Variants in CACNA1C observed in about 807,000 individuals in gnomAD.
CACNA1C encodes voltage-dependent L-type calcium channel subunit alpha-1C.
CACNA1C carries 30 observed loss-of-function variants against 229.0 expected under a neutral mutation model. The ratio of observed to expected loss-of-function variants is 0.13; its 90% CI spans 0.10 to 0.18. CACNA1C has a LOEUF of 0.18. Ranked by LOEUF, CACNA1C falls within the 10% of genes least tolerant of loss-of-function variation. The probability of loss-of-function intolerance (pLI) is 1.00; values close to 1 mark genes in which losing one functional copy is unlikely to be tolerated. For missense variants in CACNA1C, 1,658 were observed against 2,845.0 expected (o/e 0.58, Z 9.49); for synonymous variants, 1,114 against 1,132.5 (o/e 0.98, Z 0.33).
At chr12:2,293,165 T>C (rs1030121337) in intron 3 of CACNA1C, among the ~76,000 whole-genome samples, 3 of 152,136 alleles carry the variant, frequency 2.0e-5, no homozygotes, top group Admixed American at 1.3e-4. Flanking sequence ...GAAGGTAACC[T>C]CTGGCAAGGA....
intron 7 of CACNA1C, among the ~76,000 whole-genome samples, chr12:2,494,895 T>G (rs1004316032): frequency 6.6e-6 from 1 of 152,198 alleles, no homozygotes; most frequent in Admixed American, 6.5e-5. Flanking sequence ...ATTTCCTGAG[T>G]GTCCTTGCCT....
chr12:2,442,122 G>T (rs1555582888), intron 3 of CACNA1C, among the ~76,000 whole-genome samples: 1 of 152,198 alleles, frequency 6.6e-6, no homozygotes, highest in Non-Finnish European at 1.5e-5. Flanking sequence ...CATCAGTAAA[G>T]ACTCATCATT....
chr12:2,590,347 G>A (rs1437880223), intron 18 of CACNA1C, among the ~76,000 whole-genome samples: 9 of 152,130 alleles, frequency 5.9e-5, no homozygotes, highest in African/African-American at 9.7e-5. Context: ...CCTCACTTCC[G>A]ATGCTTTTTT....
At chr12:2,620,978 C>T (rs1473234352) in intron 29 of CACNA1C, among the ~76,000 whole-genome samples, 1 of 152,140 alleles carries the variant, frequency 6.6e-6, no homozygotes, top group East Asian at 1.9e-4. Context: ...GTGCAGAAAT[C>T]TCTACACAGT....
At chr12:2,277,830 T>C (rs1464223795) in intron 3 of CACNA1C, among the ~76,000 whole-genome samples, 5 of 152,268 alleles carry the variant, frequency 3.3e-5, no homozygotes, top group Non-Finnish European at 7.3e-5. Flanking sequence ...TTATTGCATG[T>C]TAATACTTCA....
intron 3 of CACNA1C, among the ~76,000 whole-genome samples, chr12:2,277,539 C>G (rs1443800087): frequency 6.6e-6 from 1 of 152,138 alleles, no homozygotes; most frequent in African/African-American, 2.4e-5. Flanking sequence ...GCTCAGAAAT[C>G]TAAGGAGGCT....
chr12:2,210,075 C>G (rs927218341), intron 3 of CACNA1C, among the ~76,000 whole-genome samples: 3 of 152,178 alleles, frequency 2.0e-5, no homozygotes, highest in African/African-American at 7.2e-5. Context: ...TTACTTTCAA[C>G]TTGTTTCTAA....
intron 3 of CACNA1C, among the ~76,000 whole-genome samples, chr12:2,307,152 A>G (rs1003529738): frequency 1.2e-4 from 19 of 152,110 alleles, no homozygotes; most frequent in African/African-American, 4.6e-4. Flanking sequence ...GGGATGTGCA[A>G]AGCTGCAAAT....
At chr12:2,135,695 C>T (rs1410052809) in intron 3 of CACNA1C, among the ~76,000 whole-genome samples, 1 of 145,210 alleles carries the variant, frequency 6.9e-6, no homozygotes, top group East Asian at 2.0e-4. Flanking sequence ...CTGGGAGAAC[C>T]ACTGCTCTCT....
At chr12:2,286,456 T>C (rs929127019) in intron 3 of CACNA1C, among the ~76,000 whole-genome samples, 21 of 152,136 alleles carry the variant, frequency 1.4e-4, no homozygotes, top group Admixed American at 6.5e-4. Context: ...GTCTACAGGC[T>C]CTGCACAGTA....
Position 2,427,910 on chromosome 12 carries a change from G to A in CACNA1C, c.478-21066G>A, listed in dbSNP as rs181444188. 1.0e-3 allele frequency among the ~76,000 whole-genome samples: 155 copies of A among 152,264 alleles called. 1 individual carries two copies. Among genetic ancestry groups the A allele is most frequent in the African/African-American group, 3.6e-3 (148 of 41,564 alleles). On this transcript the variant is annotated intron_variant, in intron 3 of 46. Coordinates refer to ENST00000399655, the MANE Select transcript of CACNA1C (RefSeq NM_000719.7). ...GCTGGGATTACAGGCGTGAGCCACCGCGCCTGGCCATGAGGCATATTTTAA... is the reference window on the plus strand; with the variant it reads ...GCTGGGATTACAGGCGTGAGCCACCACGCCTGGCCATGAGGCATATTTTAA...
At chr12:2,147,747 A>G (rs937058278) in intron 3 of CACNA1C, among the ~76,000 whole-genome samples, 2 of 149,010 alleles carry the variant, frequency 1.3e-5, no homozygotes, top group African/African-American at 4.9e-5. Flanking sequence ...ACAGAGTGAA[A>G]GAAGACTTCT....
intron 3 of CACNA1C, among the ~76,000 whole-genome samples, chr12:2,415,817 GC>G (rs144157347): frequency 0.014 from 2,188 of 152,224 alleles, 62 homozygotes; most frequent in African/African-American, 0.05. Context: ...TTCTCTCTTT[GC>G]CTACCTTTCT....
chr12:2,560,753 A>G (rs1600112312), intron 11 of CACNA1C, among the ~76,000 whole-genome samples: 1 of 151,308 alleles, frequency 6.6e-6, no homozygotes, highest in Non-Finnish European at 1.5e-5. Context: ...CACAAATCCA[A>G]ATTTGCCCCA....
At chr12:2,684,663 G>A (rs182729557) in intron 43 of CACNA1C, among the ~76,000 whole-genome samples, 23 of 152,240 alleles carry the variant, frequency 1.5e-4, no homozygotes, top group African/African-American at 4.6e-4. Context: ...GGGTACAGGC[G>A]TTCAGAGAAA....
rs753341922 is a variant in CACNA1C at position 2,255,529 on chromosome 12, G to A, written c.477+135099G>A. ...AAGAAGGCAGTGCCAATCAAAGGAG[G>A]TCGGCCTCTTCAATTAGAACTCTGA... On this transcript the variant is annotated intron_variant, in intron 3 of 46. Coordinates refer to ENST00000399655, the MANE Select transcript of CACNA1C (RefSeq NM_000719.7). Among the ~76,000 whole-genome samples, 62 of 152,322 alleles carry A rather than the reference G, an allele frequency of 4.1e-4. 1 individual carries two copies. Among genetic ancestry groups the A allele is most frequent in the Non-Finnish European group, 7.3e-4 (50 of 68,034 alleles).
intron 9 of CACNA1C, among the ~76,000 whole-genome samples, chr12:2,513,673 C>T (rs1386445534): frequency 5.3e-5 from 8 of 152,174 alleles, no homozygotes; most frequent in Admixed American, 1.3e-4. Flanking sequence ...TAAAAAATGA[C>T]GGATCATGAA....
chr12:2,375,999 C>G (rs1451151066), intron 3 of CACNA1C, among the ~76,000 whole-genome samples: 1 of 152,212 alleles, frequency 6.6e-6, no homozygotes, highest in Non-Finnish European at 1.5e-5. Context: ...ACGAAGCAAG[C>G]AAATCAAAAC....
chr12:2,634,375 G>T lies in CACNA1C; in HGVS notation c.3907G>T (p.Val1303Leu). The stretch of plus-strand genomic sequence containing the variant: ...CATTGTTGATATAGCAATCACCGAG[G>T]TAAACGTAAGTACATGGCGTCTGTC... ...GSIVDIAITEVNPAEHTQCSP... is the reference protein window; with the variant it reads ...GSIVDIAITELNPAEHTQCSP... Residue 1303 changes from valine to leucine, a missense_variant, in exon 30 of 47, where the codon GTA becomes TTA. Coordinates refer to ENST00000399655, the MANE Select transcript of CACNA1C (RefSeq NM_000719.7). 6.4e-7 allele frequency: 1 copy of T among 1,555,636 alleles called. No homozygotes were observed. The highest frequency in any genetic ancestry group is 8.8e-7 in the Non-Finnish European group (1 of 1,140,254).
Sources: gnomAD v4.1 joint callset for allele counts (sites outside exome capture counted in the v4.1 genomes callset) on GRCh38, gnomAD v4.1.1 for gene constraint, MANE v1.5 for transcripts, NCBI Gene and HGNC (gene_info 2026-07-23, HGNC 2026-07-21) for gene names.